GTF2E2: variants seen among roughly 807,000 people sequenced by gnomAD.
GTF2E2 encodes general transcription factor IIE subunit 2.
Under a neutral mutation model 40.5 loss-of-function variants are expected in GTF2E2, and 21 were observed. The ratio of observed to expected loss-of-function variants is 0.52; its 90% confidence interval spans 0.37 to 0.75. The LOEUF (loss-of-function observed/expected upper bound fraction) is 0.75, where lower values mean the gene tolerates loss of function less well. Among genes scored for constraint, GTF2E2 ranks in the 30% least tolerant of loss-of-function variants. The pLI is 0.00. For missense variants in GTF2E2, 298 were observed against 338.4 expected (o/e 0.88, Z 0.94); for synonymous variants, 117 against 121.6 (o/e 0.96, Z 0.25).
rs138726271 is a variant in GTF2E2, at chr8:30,653,364, C to A, written c.166+69G>T. On this transcript the variant is annotated intron_variant, in intron 2 of 7. Transcript: ENST00000355904. Reference sequence around the variant, plus strand: ...AGTGCTGAACTGAAAAATGAACTAGCCATAACTAAACGGTTTCCTCCTGAA... The same window carrying A: ...AGTGCTGAACTGAAAAATGAACTAGACATAACTAAACGGTTTCCTCCTGAA... The A allele has an allele frequency of 1.3e-4, 146 of 1,165,198 alleles. No homozygotes were observed. The East Asian group carries it at 3.3e-3, about 26-fold the overall frequency. The allele number at this position is 1,165,198 out of a possible 1,614,324, so 72.2% of individuals were successfully genotyped here.
intron 3 of GTF2E2, among the ~76,000 whole-genome samples, chr8:30,616,513 C>T (rs1563489770): frequency 6.6e-6 from 1 of 150,562 alleles, no homozygotes; most frequent in Admixed American, 6.6e-5. Context: ...AGAGGATGAA[C>T]AAGCAGAGCC....
chr8:30,645,919 A>C (rs1377862335), intron 2 of GTF2E2: 2 of 214,622 alleles, frequency 9.3e-6, no homozygotes, highest in East Asian at 9.8e-5. Flanking sequence ...ATGATGCTAA[A>C]ATGATTTTAT....
chr8:30,602,938 GT>G (rs1032289135), intron 6 of GTF2E2, among the ~76,000 whole-genome samples: 3 of 152,012 alleles, frequency 2.0e-5, no homozygotes, highest in African/African-American at 7.3e-5. Flanking sequence ...CATTTTTCCT[GT>G]TTTGGCTTAT....
chr8:30,635,573 G>C (rs1801572866), intron 2 of GTF2E2, among the ~76,000 whole-genome samples: 1 of 151,840 alleles, frequency 6.6e-6, no homozygotes, highest in Non-Finnish European at 1.5e-5. Context: ...TGTAGAGATG[G>C]GGTTTCGCCA....
chr8:30,629,576 C>T (rs1195170689), intron 3 of GTF2E2, among the ~76,000 whole-genome samples: 1 of 151,586 alleles, frequency 6.6e-6, no homozygotes, highest in Non-Finnish European at 1.5e-5. Flanking sequence ...GTAGTCCCAG[C>T]TCCTCGGGAG....
chr8:30,609,698 T>C (rs1829428466), intron 5 of GTF2E2, among the ~76,000 whole-genome samples: 1 of 152,194 alleles, frequency 6.6e-6, no homozygotes, highest in African/African-American at 2.4e-5. Flanking sequence ...TTTAGATCTG[T>C]GTCCCCATCA....
intron 6 of GTF2E2, among the ~76,000 whole-genome samples, chr8:30,587,459 CAAAATAATAGCAAAAAAAAA>C (rs1828714210): frequency 1.4e-5 from 1 of 72,646 alleles, no homozygotes. Flanking sequence ...ATATGGAACT[CAAAATAATAGCAAAAAAAAA>C]AAAATAACCT....
At chr8:30,622,810 T>C (rs1263945728) in intron 3 of GTF2E2, among the ~76,000 whole-genome samples, 2 of 152,100 alleles carry the variant, frequency 1.3e-5, no homozygotes, top group Non-Finnish European at 2.9e-5. Flanking sequence ...AAAAGAAATA[T>C]GGCTCTGTTC....
Position 30,640,238 on chromosome 8 carries a change from A to T in GTF2E2, c.167-5115T>A, listed in dbSNP as rs115730097. Among the ~76,000 whole-genome samples the T allele has an allele frequency of 2.2e-3, 337 of 152,350 alleles. 2 individuals carry two copies. Among genetic ancestry groups the T allele is most frequent in the African/African-American group, 8.0e-3 (332 of 41,586 alleles). On this transcript the variant is annotated intron_variant, in intron 2 of 7. Coordinates refer to ENST00000355904, the MANE Select transcript of GTF2E2 (RefSeq NM_002095.6). ...TTAACTGATCACATTTCAAAGTGAT[A>T]TGCTTAAAAGCACCTGAGAATTCAA...
At chr8:30,608,189 C>T (rs1198485295) in intron 5 of GTF2E2, among the ~76,000 whole-genome samples, 1 of 152,164 alleles carries the variant, frequency 6.6e-6, no homozygotes, top group Non-Finnish European at 1.5e-5. Flanking sequence ...GGCAAAAATT[C>T]ATCATAGGAA....
intron 2 of GTF2E2, chr8:30,645,645 C>T (rs1802047130): frequency 2.7e-6 from 4 of 1,470,498 alleles, no homozygotes; most frequent in Non-Finnish European, 3.6e-6. Flanking sequence ...TCAACCTCTT[C>T]TGAGAAAAAA....
intron 6 of GTF2E2, among the ~76,000 whole-genome samples, chr8:30,593,023 G>A (rs1461525624): frequency 3.9e-5 from 6 of 152,114 alleles, no homozygotes; most frequent in East Asian, 3.9e-4. Flanking sequence ...CTGAAACCCC[G>A]TCTCTACTAA....
At chr8:30,609,481 C>G (rs1468051641) in intron 5 of GTF2E2, among the ~76,000 whole-genome samples, 1 of 151,926 alleles carries the variant, frequency 6.6e-6, no homozygotes, top group Admixed American at 6.6e-5. Flanking sequence ...AACCTGAAGG[C>G]ATTGCTAAAA....
At chr8:30,620,100 T>C (rs1023130155) in intron 3 of GTF2E2, among the ~76,000 whole-genome samples, 3 of 152,054 alleles carry the variant, frequency 2.0e-5, no homozygotes, top group African/African-American at 2.4e-5. Flanking sequence ...CAAACCTGCC[T>C]ATACTCTGAC....
chr8:30,607,865 C>T (rs183089245), intron 5 of GTF2E2, among the ~76,000 whole-genome samples: 92 of 152,108 alleles, frequency 6.0e-4, no homozygotes, highest in African/African-American at 1.9e-3. Context: ...GCTTTTAAAA[C>T]GCTAAAATAA....
chr8:30,579,474 C>T (rs1585927150), intron 7 of GTF2E2, among the ~76,000 whole-genome samples: 1 of 152,176 alleles, frequency 6.6e-6, no homozygotes. Context: ...GAAATATTAG[C>T]ATCACATGAT....
At chr8:30,617,634 C>T (rs912760737) in intron 3 of GTF2E2, among the ~76,000 whole-genome samples, 1 of 152,006 alleles carries the variant, frequency 6.6e-6, no homozygotes, top group African/African-American at 2.4e-5. Context: ...CGCCTATAGT[C>T]CCAGTTCCTT....
intron 6 of GTF2E2, among the ~76,000 whole-genome samples, chr8:30,596,584 C>G (rs1359477601): frequency 6.6e-6 from 1 of 152,146 alleles, no homozygotes; most frequent in African/African-American, 2.4e-5. Context: ...AGAATTTGGT[C>G]TTAAAAATGT....
chr8:30,586,574 G>A (rs1266071977), intron 6 of GTF2E2, among the ~76,000 whole-genome samples: 1 of 152,068 alleles, frequency 6.6e-6, no homozygotes, highest in African/African-American at 2.4e-5. Flanking sequence ...CAAAAAAACT[G>A]AATAGCCAAG....
Sources: allele counts gnomAD v4.1 joint callset (sites outside exome capture counted in the v4.1 genomes callset), GRCh38; gene constraint gnomAD v4.1.1; transcripts MANE v1.5; gene names NCBI Gene and HGNC (gene_info 2026-07-23, HGNC 2026-07-21).